Variants in CLCN1 observed in about 807,000 individuals in gnomAD.
CLCN1 encodes chloride voltage-gated channel 1, also known as chloride channel protein 1.
A neutral mutation model predicts 114.5 loss-of-function variants in CLCN1; 100 were observed. The observed-to-expected ratio is 0.87, with a 90% CI of 0.74 to 1.03. CLCN1 has a LOEUF of 1.03. CLCN1 is among the 50% of genes least tolerant of loss of function. The pLI is 0.00. For missense variants in CLCN1, 1,188 were observed against 1,250.0 expected, an observed-to-expected ratio of 0.95 and a Z score of 0.75; for synonymous variants, 485 against 487.1, an observed-to-expected ratio of 1.00 and a Z score of 0.06.
chr7:143,329,728 C>T (rs1258379293), intron 7 of CLCN1, among the ~76,000 whole-genome samples: 2 of 152,180 alleles, frequency 1.3e-5, no homozygotes, highest in Non-Finnish European at 2.9e-5. Flanking sequence ...GCCTCATCTC[C>T]ATTCATCCAA....
At position 143,331,438 on chromosome 7, in the gene CLCN1, T is replaced by G. The variant is rs796194837; in HGVS notation, c.1065-113T>G. The G allele has an allele frequency of 2.3e-5, 25 of 1,107,426 alleles. No individual in the cohort carries two copies. The African/African-American group carries it at 3.7e-4, about 16-fold the overall frequency. 68.6% of individuals were successfully genotyped at this position (1,107,426 alleles called of 1,614,324 possible). A position where few individuals can be genotyped will look rare whatever the true frequency, so the allele number is the denominator to read the frequency against. ...CAGATAGAGTACATTGCTGGGGGGA[T>G]GTGGGCAGATAGGAAAGGCAGAAGC... On this transcript the variant is annotated intron_variant, in intron 9 of 22. Coordinates refer to ENST00000343257, the MANE Select transcript of CLCN1 (RefSeq NM_000083.3).
rs1802520873 is a variant in CLCN1, at chr7:143,324,132, C to T, written c.775-282C>T. On this transcript the variant is annotated intron_variant, in intron 6 of 22. Coordinates refer to ENST00000343257, the MANE Select transcript of CLCN1 (RefSeq NM_000083.3). The surrounding 1 kb of genome is among the most constrained non-coding windows in gnomAD (Gnocchi z 4.6). Reference sequence around the variant, plus strand: ...TGGAGTTCTTGCTGTCTCTTTTCTGCTTATCATTTATTGATTTACGTGCCT... The same window carrying T: ...TGGAGTTCTTGCTGTCTCTTTTCTGTTTATCATTTATTGATTTACGTGCCT... 6.6e-6 allele frequency among the ~76,000 whole-genome samples: 1 copy of T among 152,178 alleles called. No homozygotes were observed. The highest frequency in any genetic ancestry group is 6.5e-5 in the Admixed American group (1 of 15,276).
Position 143,321,479 on chromosome 7 carries a change from C to G in CLCN1, c.548C>G (p.Ser183Cys). 1.2e-6 allele frequency: 2 copies of G among 1,614,128 alleles called. No homozygotes were observed. Among genetic ancestry groups the G allele is most frequent in the Non-Finnish European group, 1.7e-6 (2 of 1,180,032 alleles). Residue 183 changes from serine (S) to cysteine (C), a missense_variant, in exon 4 of 23, where the codon TCT (serine) becomes TGT (cysteine). Ser to Cys is a moderately radical substitution (Grantham distance 112). Transcript: ENST00000343257. The surrounding 1 kb of genome is among the most constrained non-coding windows in gnomAD (Gnocchi z 4.2). The stretch of plus-strand genomic sequence containing the variant: ...AGCGCCCTCTTCTGCCACCTCATCT[C>G]TCCCCAGGCTGTTGGTGAGAACTTG... ...LFSALFCHLISPQAVGSGIPE... is the reference protein window; with the variant it reads ...LFSALFCHLICPQAVGSGIPE...
Position 143,342,074 on chromosome 7 carries a change from T to C in CLCN1, c.1728T>C (p.Ser576=). ...ANMVAQSLQP[S]LYDSIIQVKK... ...TGGTGGCCCAGAGCCTGCAGCCCTC[T>C]CTCTATGACAGCATCATCCAGGTCA... The change falls in exon 15 of 23, where the codon TCT becomes TCC. Residue 576 remains serine, a synonymous_variant. Coordinates refer to ENST00000343257, the MANE Select transcript of CLCN1 (RefSeq NM_000083.3). 1 of 1,614,158 alleles carries C rather than the reference T, an allele frequency of 6.2e-7. No homozygotes were observed. The highest frequency in any genetic ancestry group is 8.5e-7 in the Non-Finnish European group (1 of 1,180,036).
In CLCN1 at chr7:143,351,657, T is replaced by G; in HGVS notation, c.2659T>G (p.Phe887Val). The change falls in exon 23 of 23, where the codon TTC (phenylalanine) becomes GTC (valine). Residue 887 changes from phenylalanine to valine, a missense_variant. Transcript: ENST00000343257. ...GVQLRPPLAS[F>V]RNTTSTRKST... Reference sequence around the variant, plus strand: ...GCAGCTCCGCCCTCCCCTTGCCAGCTTCCGGAACACGACTTCAACTCGAAA... The same window carrying G: ...GCAGCTCCGCCCTCCCCTTGCCAGCGTCCGGAACACGACTTCAACTCGAAA... The G allele has an allele frequency of 6.2e-7, 1 of 1,614,178 alleles. No homozygotes were observed. Among genetic ancestry groups the G allele is most frequent in the South Asian group, 1.1e-5 (1 of 91,082 alleles).
Position 143,352,066 on chromosome 7 carries a change from A to T in CLCN1, c.*101A>T. ...TCCTGAATGTGGCGAGGTCATGCCA[A>T]TGTCGTGGCCTCTTCCAGGAATTTT... On this transcript the variant is annotated 3_prime_UTR_variant, in exon 23 of 23. Transcript: ENST00000343257. 6.8e-7 allele frequency: 1 copy of T among 1,471,706 alleles called. No homozygotes were observed. The highest frequency in any genetic ancestry group is 1.1e-5 in the South Asian group (1 of 87,038). 91.2% of individuals were successfully genotyped at this position (1,471,706 alleles called of 1,614,324 possible).
rs1802436784 is a variant in CLCN1, at chr7:143,321,616, C to G, written c.563-99C>G. ...CCTTGCCCCATCCTCCCCACCACTG[C>G]CTCTTCAGCCCTCTCCAATTCCCAT... is the stretch of plus-strand genomic sequence containing the variant. On this transcript the variant is annotated intron_variant, in intron 4 of 22. Transcript: ENST00000343257. This position sits in a 1 kb window ranked among gnomAD's most constrained non-coding sequence, Gnocchi z 4.2. 1.9e-6 allele frequency: 3 copies of G among 1,601,808 alleles called. No individual in the cohort carries two copies. In the Admixed American group the frequency reaches 5.0e-5, roughly 27 times the overall value.
intron 17 of CLCN1, 24 bp downstream of exon 17, chr7:143,345,786 G>A (rs1323461800): frequency 6.2e-7 from 1 of 1,605,146 alleles, no homozygotes; most frequent in Admixed American, 1.7e-5. Context: ...GAAGGGCTAG[G>A]GAGTGGGATA....
intron 8 of CLCN1, 34 bp downstream of exon 8, chr7:143,330,931 A>G (rs770854110): frequency 6.2e-7 from 1 of 1,614,092 alleles, no homozygotes; most frequent in Non-Finnish European, 8.5e-7. Context: ...AGGCCATGTG[A>G]AATAGAAAAG....
Position 143,321,200 on chromosome 7 carries a change from C to T in CLCN1, c.434-165C>T, listed in dbSNP as rs979707480. Among the ~76,000 whole-genome samples, 3 of 152,182 alleles carry T rather than the reference C, an allele frequency of 2.0e-5. No homozygotes were observed. Among genetic ancestry groups the T allele is most frequent in the Admixed American group, 6.5e-5 (1 of 15,284 alleles). ...AGCCACCAACTGGAACAGGCCATGT[C>T]GCCTCCATAACTCAGGCTTCCCATG... is the stretch of plus-strand genomic sequence containing the variant. On this transcript the variant is annotated intron_variant, in intron 3 of 22. Coordinates refer to ENST00000343257, the MANE Select transcript of CLCN1 (RefSeq NM_000083.3). The surrounding 1 kb of genome is among the most constrained non-coding windows in gnomAD (Gnocchi z 4.2).
chr7:143,346,725 G>T, intron 19 of CLCN1, 67 bp downstream of exon 19: 12 of 1,396,268 alleles, frequency 8.6e-6, no homozygotes, highest in Non-Finnish European at 1.2e-5. Context: ...AGAAACCCAC[G>T]GTTCTTAAAT....
chr7:143,322,231 C>G (rs986703592), intron 5 of CLCN1, among the ~76,000 whole-genome samples: 12 of 152,200 alleles, frequency 7.9e-5, no homozygotes, highest in African/African-American at 2.9e-4. Context: ...GCCATATGGA[C>G]CCTGGAGGAC....
intron 2 of CLCN1, 24 bp from the exon 3 acceptor site, chr7:143,320,640 G>C (rs1563073716): frequency 6.3e-7 from 1 of 1,583,128 alleles, no homozygotes; most frequent in Non-Finnish European, 8.6e-7. Flanking sequence ...TTGTTTGTTT[G>C]TTTTTTCCCT....
chr7:143,317,433 G>C (rs182073414), intron 1 of CLCN1, among the ~76,000 whole-genome samples: 1 of 152,122 alleles, frequency 6.6e-6, no homozygotes, highest in East Asian at 1.9e-4. Flanking sequence ...ACTTTCAGTA[G>C]AGACGGGGTT....
intron 12 of CLCN1, among the ~76,000 whole-genome samples, chr7:143,335,659 TTG>T (rs1355704996): frequency 0.011 from 1,200 of 113,176 alleles, 23 homozygotes; most frequent in Non-Finnish European, 0.014. Context: ...TTCAGCTGTT[TTG>T]TTTTTTTTTT....
Position 143,324,443 on chromosome 7 carries a change from G to A in CLCN1, c.804G>A (p.Thr268=), listed in dbSNP as rs141521078. Residue 268 remains threonine, a synonymous_variant, in exon 7 of 23, where the codon ACG becomes ACA. Coordinates refer to ENST00000343257, the MANE Select transcript of CLCN1 (RefSeq NM_000083.3). This position sits in a 1 kb window ranked among gnomAD's most constrained non-coding sequence, Gnocchi z 4.6. ...CATACTACTACTCTGATATCCTGAC[G>A]GTGGGCTGTGCTGTGGGAGTCGGCT... The part of the protein sequence containing the change: ...EQPYYYSDIL[T]VGCAVGVGCC... 821 of 1,613,884 alleles carry A rather than the reference G, an allele frequency of 5.1e-4. 1 individual carries two copies. Among genetic ancestry groups the A allele is most frequent in the South Asian group, 3.8e-3 (350 of 91,068 alleles).
At chr7:143,326,274 T>TCCCA (rs887648512) in intron 7 of CLCN1, among the ~76,000 whole-genome samples, 61 of 151,938 alleles carry the variant, frequency 4.0e-4, no homozygotes, top group African/African-American at 1.4e-3. Flanking sequence ...CACCTTGGCC[T>TCCCA]ATTACTTGAT....
At chr7:143,348,653 CA>C (rs1021784179) in intron 20 of CLCN1, among the ~76,000 whole-genome samples, 10 of 151,646 alleles carry the variant, frequency 6.6e-5, no homozygotes, top group Non-Finnish European at 1.3e-4. Context: ...TGATATTGAC[CA>C]AAAAAACAGT....
chr7:143,350,478 T>C lies in CLCN1; in HGVS notation c.2508+2T>C, dbSNP rs992259659. ...GTGGAGCAGACAACCCTGCACAAGG[T>C]GAGTCTTTTGCTGACTGCTCAGGGC... is the stretch of plus-strand genomic sequence containing the variant. On this transcript the variant is annotated splice_donor_variant, in intron 21 of 22. Transcript: ENST00000343257. LOFTEE classifies it high-confidence loss of function. This position sits in a 1 kb window ranked among gnomAD's most constrained non-coding sequence, Gnocchi z 5.1. 6.2e-7 allele frequency: 1 copy of C among 1,612,548 alleles called. No individual in the cohort carries two copies. Among genetic ancestry groups the C allele is most frequent in the African/African-American group, 1.3e-5 (1 of 74,850 alleles).
Sources: gnomAD v4.1 joint callset for allele counts (sites outside exome capture counted in the v4.1 genomes callset) on GRCh38, gnomAD v4.1.1 for gene constraint, Gnocchi (gnomAD v3.1) non-coding constraint, MANE v1.5 for transcripts, NCBI Gene and HGNC (gene_info 2026-07-23, HGNC 2026-07-21) for gene names.